SORL1: variants seen among roughly 807,000 people sequenced by gnomAD.
SORL1 encodes sortilin-related receptor.
In SORL1, 127 loss-of-function variants were observed where a neutral mutation model predicts 273.7. That is an observed-to-expected ratio of 0.46 (90% CI 0.40 to 0.54). SORL1 has a LOEUF of 0.54. Ranked by LOEUF, SORL1 falls within the 20% of genes least tolerant of loss-of-function variation. The pLI is 0.00. For missense variants in SORL1, 2,494 were observed against 2,846.1 expected (o/e 0.88, Z 2.81); for synonymous variants, 1,031 against 1,067.4 (o/e 0.97, Z 0.66).
At position 121,574,373 on chromosome 11, in the gene SORL1, C is replaced by G; in HGVS notation, c.3460+10C>G. 1 of 1,612,230 alleles carries G rather than the reference C, an allele frequency of 6.2e-7. No individual in the cohort carries two copies. Among genetic ancestry groups the G allele is most frequent in the Non-Finnish European group, 8.5e-7 (1 of 1,178,426 alleles). Reference sequence around the variant, plus strand: ...GATGAAAGTCATTGTGGTAAGGGGACATCACATCCTGAAACCCTGCTCTGG... The same window carrying G: ...GATGAAAGTCATTGTGGTAAGGGGAGATCACATCCTGAAACCCTGCTCTGG... On this transcript the variant is annotated intron_variant, in intron 24 of 47. Transcript: ENST00000260197.
At chr11:121,572,809 C>A (rs916030602) in intron 23 of SORL1, among the ~76,000 whole-genome samples, 9 of 152,108 alleles carry the variant, frequency 5.9e-5, no homozygotes, top group African/African-American at 2.2e-4. Flanking sequence ...GGTTTTGACG[C>A]GAATCCCTGC....
At position 121,619,762 on chromosome 11, in the gene SORL1, G is replaced by A; in HGVS notation, c.5734G>A (p.Val1912Met). 6.2e-7 allele frequency: 1 copy of A among 1,614,070 alleles called. No individual in the cohort carries two copies. Among genetic ancestry groups the A allele is most frequent in the Non-Finnish European group, 8.5e-7 (1 of 1,179,936 alleles). Residue 1912 changes from valine to methionine, a missense_variant, in exon 43 of 48, where the codon GTG becomes ATG. Physicochemically the swap from Val to Met is conservative, Grantham distance 21 (BLOSUM62 1). This residue lies in a region of SORL1 where 1,609 missense variants were observed against 1,816.4 expected (regional missense o/e 0.89). Transcript: ENST00000260197. The part of the protein sequence containing the change: ...DEQYLFLVRV[V>M]VPYQGPSSDY... ...TGTGCTTGGGCTTCAGGTCCGTGTAGTGGTACCCTACCAGGGGCCATCCTC... is the reference window on the plus strand; with the variant it reads ...TGTGCTTGGGCTTCAGGTCCGTGTAATGGTACCCTACCAGGGGCCATCCTC...
intron 21 of SORL1, among the ~76,000 whole-genome samples, chr11:121,566,441 G>A (rs1565338612): frequency 1.3e-5 from 2 of 152,182 alleles, no homozygotes; most frequent in Admixed American, 1.3e-4. Flanking sequence ...CCAGGCTCAA[G>A]TGATCCTCCT....
chr11:121,605,787 C>G (rs955249232), intron 35 of SORL1, among the ~76,000 whole-genome samples: 1 of 152,240 alleles, frequency 6.6e-6, no homozygotes, highest in Non-Finnish European at 1.5e-5. Context: ...ATTTAAGATT[C>G]TCTCCACCAT....
At position 121,570,271 on chromosome 11, in the gene SORL1, G is replaced by T; in HGVS notation, c.3337+1G>T. The T allele has an allele frequency of 6.2e-7, 1 of 1,606,098 alleles. No individual in the cohort carries two copies. Among genetic ancestry groups the T allele is most frequent in the Non-Finnish European group, 8.5e-7 (1 of 1,172,784 alleles). On this transcript the variant is annotated splice_donor_variant, in intron 23 of 47. Transcript: ENST00000260197. LOFTEE classifies it high-confidence loss of function. ...GACATGAGCGATGAGAGAAACTGCC[G>T]TGAGTCTTCTGGATTGGACGTTAAG...
intron 2 of SORL1, among the ~76,000 whole-genome samples, chr11:121,475,298 G>T (rs190734859): frequency 2.5e-5 from 1 of 40,640 alleles, no homozygotes; most frequent in Admixed American, 3.4e-4. Context: ...TAACAATTAT[G>T]AAGGTAGGAT....
At chr11:121,590,921 G>A (rs184894849) in intron 30 of SORL1, 80 bp from the exon 31 acceptor site, 178 of 1,521,650 alleles carry the variant, frequency 1.2e-4, no homozygotes, top group African/African-American at 1.5e-4. Context: ...TGGGACATCC[G>A]CACTAGGTTT....
intron 32 of SORL1, among the ~76,000 whole-genome samples, chr11:121,602,564 A>G (rs1227348410): frequency 6.6e-6 from 1 of 152,130 alleles, no homozygotes; most frequent in Non-Finnish European, 1.5e-5. Flanking sequence ...AACATTATCC[A>G]GTTTCTCTAC....
intron 2 of SORL1, among the ~76,000 whole-genome samples, chr11:121,473,028 A>ATT (rs1861195935): frequency 6.6e-6 from 1 of 152,162 alleles, no homozygotes; most frequent in African/African-American, 2.4e-5. Context: ...GTTAATAAAT[A>ATT]GGGATGGCAG....
At chr11:121,560,134 G>C (rs1370395261) in intron 21 of SORL1, among the ~76,000 whole-genome samples, 1 of 152,206 alleles carries the variant, frequency 6.6e-6, no homozygotes, top group Non-Finnish European at 1.5e-5. Context: ...GTTAGGTGTT[G>C]TTTTAATTAA....
At chr11:121,464,669 G>A (rs370065046) in intron 1 of SORL1, among the ~76,000 whole-genome samples, 50 of 152,204 alleles carry the variant, frequency 3.3e-4, no homozygotes, top group South Asian at 8.3e-4. Flanking sequence ...GGACTTGTTC[G>A]ATGAAGATGC....
At chr11:121,581,354 G>T (rs1288656417) in intron 25 of SORL1, among the ~76,000 whole-genome samples, 2 of 152,234 alleles carry the variant, frequency 1.3e-5, no homozygotes, top group Admixed American at 6.5e-5. Flanking sequence ...AATCAGGAAA[G>T]TTCTGCCTGA....
At position 121,520,743 on chromosome 11, in the gene SORL1, T is replaced by C; in HGVS notation, c.1298T>C (p.Met433Thr). 22 of 1,612,860 alleles carry C rather than the reference T, an allele frequency of 1.4e-5. No individual in the cohort carries two copies. Among genetic ancestry groups the C allele is most frequent in the Non-Finnish European group, 1.8e-5 (21 of 1,179,346 alleles). Residue 433 changes from methionine to threonine, a missense_variant, in exon 9 of 48, where the codon ATG becomes ACG. By Grantham distance (81) the Met-to-Thr change is moderately conservative (BLOSUM62 -1). Coordinates refer to ENST00000260197, the MANE Select transcript of SORL1 (RefSeq NM_003105.6). Reference protein sequence around the residue: ...VYIATLINGSMNEENMRSVIT... With the variant: ...VYIATLINGSTNEENMRSVIT... ...ATTGCTACTCTGATTAATGGTTCTATGAATGAGGAGAACATGAGATCGGTC... is the reference window on the plus strand; with the variant it reads ...ATTGCTACTCTGATTAATGGTTCTACGAATGAGGAGAACATGAGATCGGTC...
intron 27 of SORL1, 89 bp from the exon 28 acceptor site, chr11:121,587,931 C>T (rs953241446): frequency 2.0e-6 from 3 of 1,513,888 alleles, no homozygotes; most frequent in Non-Finnish European, 2.7e-6. Context: ...CCTGAAGCCA[C>T]ATCTGTACTC....
chr11:121,591,707 ACAGAGGTGAGGATCCTGTGTT>A (rs1475279884), intron 31 of SORL1, among the ~76,000 whole-genome samples: 7 of 152,234 alleles, frequency 4.6e-5, no homozygotes, highest in African/African-American at 1.7e-4. Flanking sequence ...AGCAGGCGGA[ACAGAGGTGAGGATCCTGTGTT>A]CTTTCCTAAG....
chr11:121,513,797 A>G (rs1861913046), intron 7 of SORL1, among the ~76,000 whole-genome samples: 1 of 152,226 alleles, frequency 6.6e-6, no homozygotes, highest in African/African-American at 2.4e-5. Context: ...ACCTTAGGAA[A>G]AATAAAGGGA....
chr11:121,621,167 C>G lies in SORL1; in HGVS notation c.5993C>G (p.Pro1998Arg). The G allele has an allele frequency of 1.2e-6, 2 of 1,614,184 alleles. No individual in the cohort carries two copies. The highest frequency in any genetic ancestry group is 1.7e-6 in the Non-Finnish European group (2 of 1,180,000). The change falls in exon 44 of 48, where the codon CCT (proline) becomes CGT (arginine). Residue 1998 changes from proline to arginine, a missense_variant. This residue lies in a region of SORL1 where 1,609 missense variants were observed against 1,816.4 expected (regional missense o/e 0.89). Coordinates refer to ENST00000260197, the MANE Select transcript of SORL1 (RefSeq NM_003105.6). ...TVEYTLNKLE[P>R]GGKYHIIVQL... ...GAATACACCCTTAACAAGTTGGAGC[C>G]TGGCGGGAAATACCACATCATTGTC...
chr11:121,576,436 C>A (rs992218467), intron 24 of SORL1, among the ~76,000 whole-genome samples: 13 of 152,146 alleles, frequency 8.5e-5, no homozygotes, highest in Non-Finnish European at 1.9e-4. Flanking sequence ...AGGGCTCTGC[C>A]CCCATGACTT....
intron 11 of SORL1, among the ~76,000 whole-genome samples, chr11:121,531,719 C>T (rs532124343): frequency 7.9e-5 from 12 of 152,266 alleles, no homozygotes; most frequent in African/African-American, 2.6e-4. Flanking sequence ...GTTTCATGCA[C>T]GTACACTTCA....
Sources: allele counts gnomAD v4.1 joint callset (sites outside exome capture counted in the v4.1 genomes callset), GRCh38; gene constraint gnomAD v4.1.1; regional missense constraint gnomAD v4.1.1; transcripts MANE v1.5; gene names NCBI Gene and HGNC (gene_info 2026-07-23, HGNC 2026-07-21).